The following CRACD variants were observed in gnomAD, a reference collection of about 807,000 sequenced individuals.
CRACD encodes capping protein-inhibiting regulator of actin dynamics.
A neutral mutation model predicts 106.8 loss-of-function variants in CRACD; 56 were observed. That is an observed-to-expected ratio of 0.52 (90% CI 0.42 to 0.66). The LOEUF (loss-of-function observed/expected upper bound fraction) is 0.66, where lower values mean the gene tolerates loss of function less well. Ranked by LOEUF, CRACD falls within the 30% of genes least tolerant of loss-of-function variation. The pLI, the probability that CRACD is intolerant of heterozygous loss-of-function variation, is 0.00. For synonymous variants in CRACD, 754 were observed against 670.8 expected (o/e 1.12, Z -1.92); for missense variants, 1,730 against 1,623.2 (o/e 1.07, Z -1.13).
Position 56,328,642 on chromosome 4 carries a change from C to CTCAA in CRACD, c.*842_*845dup, listed in dbSNP as rs1410050773. The stretch of plus-strand genomic sequence containing the variant: ...TGTGTAGGCTCCCTCCTAGGGCCTA[C>CTCAA]TCAATCAGAGCCTGTGGGGACTGGG... On this transcript the variant is annotated 3_prime_UTR_variant, in exon 11 of 11. Transcript: ENST00000682029. 1 of 271,656 alleles carries CTCAA rather than the reference C, an allele frequency of 3.7e-6. No homozygotes were observed. Among genetic ancestry groups the CTCAA allele is most frequent in the Admixed American group, 5.0e-5 (1 of 20,034 alleles). The allele number at this position is 271,656 out of a possible 1,614,324, so 16.8% of individuals were successfully genotyped here.
chr4:56,313,404 C>T (rs1255519881), intron 7 of CRACD, 25 bp downstream of exon 7: 1 of 1,595,952 alleles, frequency 6.3e-7, no homozygotes, highest in South Asian at 1.1e-5. Context: ...CACGGGCTGA[C>T]CAGGCAGGTG....
intron 1 of CRACD, among the ~76,000 whole-genome samples, chr4:56,137,280 A>G (rs1735035369): frequency 6.6e-6 from 1 of 152,168 alleles, no homozygotes; most frequent in Admixed American, 6.5e-5. Flanking sequence ...TCAAAGAAAA[A>G]AAAAAAGAAA....
chr4:56,155,828 G>T (rs1486625818), intron 1 of CRACD, among the ~76,000 whole-genome samples: 6 of 152,142 alleles, frequency 3.9e-5, no homozygotes, highest in African/African-American at 1.4e-4. Context: ...ATTTTAAAGA[G>T]ATACTAATTG....
intron 2 of CRACD, among the ~76,000 whole-genome samples, chr4:56,269,986 G>A (rs1742253728): frequency 6.6e-6 from 1 of 152,156 alleles, no homozygotes; most frequent in Non-Finnish European, 1.5e-5. Context: ...CTAGCACAAT[G>A]CGTATGTATA....
intron 4 of CRACD, among the ~76,000 whole-genome samples, chr4:56,306,427 C>T (rs1229461253): frequency 1.3e-5 from 2 of 152,052 alleles, no homozygotes; most frequent in African/African-American, 2.4e-5. Flanking sequence ...ATGGGAGAAT[C>T]ATCTGAACCT....
chr4:56,061,960 A>G (rs1732293241), intron 1 of CRACD, among the ~76,000 whole-genome samples: 1 of 152,218 alleles, frequency 6.6e-6, no homozygotes, highest in African/African-American at 2.4e-5. Flanking sequence ...TGATGGGCAG[A>G]ATCTTTTTTG....
chr4:56,057,836 T>TTTTTTTTA (rs1732138160), intron 1 of CRACD, among the ~76,000 whole-genome samples: 1 of 64,468 alleles, frequency 1.6e-5, no homozygotes, highest in Non-Finnish European at 2.9e-5. Context: ...TTTTTTTTTT[T>TTTTTTTTA]GAGACGGAGT....
At chr4:56,117,694 GTATTT>G (rs1560456052) in intron 1 of CRACD, among the ~76,000 whole-genome samples, 1 of 152,258 alleles carries the variant, frequency 6.6e-6, no homozygotes, top group East Asian at 1.9e-4. Flanking sequence ...TATTTTAAGG[GTATTT>G]TAACATAATA....
In CRACD at chr4:56,316,566, G is replaced by A. The variant is rs1230302921; in HGVS notation, c.3064G>A (p.Glu1022Lys). ...CCGGCCACCCTCGCCCCCAGGCCCCGAGGAAAGGAAGGGACAGAAGAGGGA... is the reference window on the plus strand; with the variant it reads ...CCGGCCACCCTCGCCCCCAGGCCCCAAGGAAAGGAAGGGACAGAAGAGGGA... ...DRRPPSPPGP[E>K]ERKGQKRDEE... The change falls in exon 8 of 11, where the codon GAG becomes AAG. Residue 1022 changes from glutamate to lysine, a missense_variant. By Grantham distance (56) the Glu-to-Lys change is moderately conservative. Around this residue, in one of 5 missense-constraint regions of CRACD, gnomAD observed 1,620 missense variants for 1,481.6 expected, o/e 1.09. Coordinates refer to ENST00000682029, the MANE Select transcript of CRACD (RefSeq NM_001393381.1). 2.5e-6 allele frequency: 4 copies of A among 1,613,198 alleles called. No homozygotes were observed. The highest frequency in any genetic ancestry group is 3.4e-6 in the Non-Finnish European group (4 of 1,179,612).
At chr4:56,203,121 A>G (rs1344878986) in intron 2 of CRACD, among the ~76,000 whole-genome samples, 1 of 152,232 alleles carries the variant, frequency 6.6e-6, no homozygotes, top group Non-Finnish European at 1.5e-5. Flanking sequence ...GCAGTCAAGT[A>G]TGTCAACCAG....
intron 1 of CRACD, among the ~76,000 whole-genome samples, chr4:56,079,754 A>AT (rs1732961088): frequency 6.6e-6 from 1 of 152,072 alleles, no homozygotes; most frequent in Non-Finnish European, 1.5e-5. Flanking sequence ...TGGCGTAGTC[A>AT]TTTTTTCTTT....
Position 56,315,156 on chromosome 4 carries a change from A to G in CRACD, c.1654A>G (p.Lys552Glu), listed in dbSNP as rs1745509148. Residue 552 changes from lysine (K) to glutamate (E), a missense_variant, in exon 8 of 11, where the codon AAA (lysine) becomes GAA (glutamate). Around this residue, in one of 5 missense-constraint regions of CRACD, gnomAD observed 1,620 missense variants for 1,481.6 expected, o/e 1.09. Transcript: ENST00000682029. This position sits in a 1 kb window ranked among gnomAD's most constrained non-coding sequence, Gnocchi z 4.1. ...SSGGKQILFP[K>E]VNLSPVTPAK... is the part of the protein sequence containing the mutation. ...CGGAGGGAAGCAGATTCTCTTTCCC[A>G]AAGTCAACCTGAGCCCCGTGACGCC... The G allele has an allele frequency of 6.2e-7, 1 of 1,605,456 alleles. No homozygotes were observed. Among genetic ancestry groups the G allele is most frequent in the African/African-American group, 1.3e-5 (1 of 74,846 alleles).
At chr4:56,199,752 C>T (rs1268083474) in intron 2 of CRACD, among the ~76,000 whole-genome samples, 1 of 151,366 alleles carries the variant, frequency 6.6e-6, no homozygotes, top group African/African-American at 2.4e-5. Context: ...AGTTTGAAAT[C>T]TAACCAATAT....
intron 2 of CRACD, among the ~76,000 whole-genome samples, chr4:56,228,604 T>C (rs1263061119): frequency 1.8e-5 from 2 of 110,516 alleles, no homozygotes; most frequent in Non-Finnish European, 3.6e-5. Flanking sequence ...ACACCATCTC[T>C]ACCAAAAAAA....
rs762327852 is a variant in CRACD at position 56,316,420 on chromosome 4, C to T, written c.2918C>T (p.Pro973Leu). The T allele has an allele frequency of 6.2e-7, 1 of 1,614,166 alleles. No individual in the cohort carries two copies. Among genetic ancestry groups the T allele is most frequent in the East Asian group, 2.2e-5 (1 of 44,870 alleles). The stretch of plus-strand genomic sequence containing the variant: ...CCCAAGCCCACCAGTCAGACCCCAC[C>T]AGCATCCCCACTTTCCAAACTGAGC... ...LAPKPTSQTP[P>L]ASPLSKLSRP... The change falls in exon 8 of 11, where the codon CCA becomes CTA. Residue 973 changes from proline to leucine, a missense_variant. This residue lies in a region of CRACD where 1,620 missense variants were observed against 1,481.6 expected (regional missense o/e 1.09). Coordinates refer to ENST00000682029, the MANE Select transcript of CRACD (RefSeq NM_001393381.1).
intron 1 of CRACD, among the ~76,000 whole-genome samples, chr4:56,149,423 A>G (rs528004145): frequency 4.6e-5 from 7 of 152,362 alleles, no homozygotes; most frequent in Middle Eastern, 3.4e-3. Context: ...GTTTGAGATT[A>G]GTAATAGAAA....
chr4:56,099,460 G>A (rs1012562473), intron 1 of CRACD, among the ~76,000 whole-genome samples: 1 of 152,140 alleles, frequency 6.6e-6, no homozygotes, highest in Non-Finnish European at 1.5e-5. Context: ...ATATGTCTGT[G>A]GCTTGGAGGA....
intron 2 of CRACD, among the ~76,000 whole-genome samples, chr4:56,217,508 A>G (rs1263947570): frequency 6.6e-6 from 1 of 152,174 alleles, no homozygotes; most frequent in Non-Finnish European, 1.5e-5. Flanking sequence ...GAAAGAGTTT[A>G]TTAAAGACCT....
rs148436455 is a variant in CRACD at position 56,198,585 on chromosome 4, T to A, written c.-189+19155T>A. On this transcript the variant is annotated intron_variant, in intron 2 of 10. Coordinates refer to ENST00000682029, the MANE Select transcript of CRACD (RefSeq NM_001393381.1). ...CCCAGAGAAGAGGTCTTATTCTCTA[T>A]GTATGAGAGTTTTATTATCTACTGT... 3.3e-3 allele frequency among the ~76,000 whole-genome samples: 497 copies of A among 152,284 alleles called. 4 individuals carry two copies. The highest frequency in any genetic ancestry group is 0.011 in the African/African-American group (469 of 41,542).
Sources: allele counts gnomAD v4.1 joint callset (sites outside exome capture counted in the v4.1 genomes callset), GRCh38; gene constraint gnomAD v4.1.1; regional missense constraint gnomAD v4.1.1; non-coding constraint Gnocchi (gnomAD v3.1); transcripts MANE v1.5; gene names NCBI Gene and HGNC (gene_info 2026-07-23, HGNC 2026-07-21).